SH3PXD2A: variants seen among roughly 807,000 people sequenced by gnomAD.
SH3PXD2A encodes SH3 and PX domains 2A, also known as SH3 and PX domain-containing protein 2A.
A neutral mutation model predicts 115.2 loss-of-function variants in SH3PXD2A; 32 were observed. The ratio of observed to expected loss-of-function variants is 0.28; its 90% CI spans 0.21 to 0.37. The LOEUF is 0.37. Among genes scored for constraint, SH3PXD2A ranks in the 10% least tolerant of loss-of-function variants. The pLI is 1.00. For synonymous variants in SH3PXD2A, 610 were observed against 629.1 expected (o/e 0.97, Z 0.45); for missense variants, 1,328 against 1,498.7 (o/e 0.89, Z 1.88).
At chr10:103,843,658 C>T (rs1286287147) in intron 1 of SH3PXD2A, among the ~76,000 whole-genome samples, 1 of 152,220 alleles carries the variant, frequency 6.6e-6, no homozygotes, top group East Asian at 1.9e-4. Context: ...GGGAGGGTCA[C>T]ATGGGCAGGT....
At chr10:103,677,080 G>A (rs753845043) in intron 6 of SH3PXD2A, among the ~76,000 whole-genome samples, 11 of 152,324 alleles carry the variant, frequency 7.2e-5, no homozygotes, top group Middle Eastern at 3.4e-3. Flanking sequence ...CCTGAGAGCC[G>A]CGAGTGAGTG....
At chr10:103,764,729 A>G (rs1415981486) in intron 3 of SH3PXD2A, among the ~76,000 whole-genome samples, 1 of 152,168 alleles carries the variant, frequency 6.6e-6, no homozygotes, top group Non-Finnish European at 1.5e-5. Flanking sequence ...GTCCTGTGGC[A>G]GCTATTGTGT....
At chr10:103,787,520 C>T (rs905746293) in intron 2 of SH3PXD2A, among the ~76,000 whole-genome samples, 3 of 152,318 alleles carry the variant, frequency 2.0e-5, no homozygotes, top group African/African-American at 7.2e-5. Context: ...AGAGGGGTTT[C>T]CCTCCACCCT....
chr10:103,641,297 T>C (rs1214809840), intron 8 of SH3PXD2A, among the ~76,000 whole-genome samples: 1 of 152,146 alleles, frequency 6.6e-6, no homozygotes, highest in African/African-American at 2.4e-5. Context: ...CCAGGCAGCC[T>C]GAGTTGTGCA....
chr10:103,647,475 T>A (rs1228044729), intron 8 of SH3PXD2A, among the ~76,000 whole-genome samples: 1 of 152,144 alleles, frequency 6.6e-6, no homozygotes, highest in East Asian at 1.9e-4. Context: ...ACCTGGCACA[T>A]GAGCACCAAC....
chr10:103,710,184 G>A (rs2134155842), intron 5 of SH3PXD2A, among the ~76,000 whole-genome samples: 1 of 152,084 alleles, frequency 6.6e-6, no homozygotes, highest in South Asian at 2.1e-4. Context: ...CCTGAGCTCG[G>A]GAGTTTGAGA....
At chr10:103,759,396 A>G (rs952999437) in intron 3 of SH3PXD2A, among the ~76,000 whole-genome samples, 1 of 152,158 alleles carries the variant, frequency 6.6e-6, no homozygotes, top group Non-Finnish European at 1.5e-5. Flanking sequence ...AAGCAATCTC[A>G]CTTCTCCAGG....
chr10:103,711,251 A>G (rs371613904), intron 5 of SH3PXD2A, among the ~76,000 whole-genome samples: 13 of 152,370 alleles, frequency 8.5e-5, no homozygotes, highest in Admixed American at 2.6e-4. Context: ...CTGAGCTGCC[A>G]GAACACCTGG....
intron 2 of SH3PXD2A, among the ~76,000 whole-genome samples, chr10:103,773,530 C>T (rs192658407): frequency 3.7e-4 from 56 of 151,792 alleles, no homozygotes; most frequent in African/African-American, 1.3e-3. Flanking sequence ...ACCCCCTCCT[C>T]CCAGGTTCAA....
At chr10:103,830,861 A>G (rs1040739844) in intron 1 of SH3PXD2A, among the ~76,000 whole-genome samples, 6 of 152,190 alleles carry the variant, frequency 3.9e-5, no homozygotes, top group Admixed American at 3.3e-4. Context: ...GAAAAGGGAT[A>G]GGATTGAGGA....
chr10:103,832,136 A>G (rs1269740759), intron 1 of SH3PXD2A, among the ~76,000 whole-genome samples: 1 of 152,226 alleles, frequency 6.6e-6, no homozygotes, highest in African/African-American at 2.4e-5. Flanking sequence ...AAGTGCCTAC[A>G]ACGAGCAGCA....
At chr10:103,757,660 C>G (rs930602922) in intron 3 of SH3PXD2A, among the ~76,000 whole-genome samples, 2 of 152,116 alleles carry the variant, frequency 1.3e-5, no homozygotes, top group Admixed American at 6.5e-5. Flanking sequence ...GTGGCTGACC[C>G]CTGCAAAGCT....
chr10:103,777,458 G>A (rs1253644888), intron 2 of SH3PXD2A, among the ~76,000 whole-genome samples: 1 of 152,274 alleles, frequency 6.6e-6, no homozygotes, highest in Non-Finnish European at 1.5e-5. Flanking sequence ...TGGGGAGGAG[G>A]CCTCTGGCTT....
chr10:103,726,333 C>T (rs1174806878), intron 4 of SH3PXD2A, among the ~76,000 whole-genome samples: 2 of 152,154 alleles, frequency 1.3e-5, no homozygotes, highest in Non-Finnish European at 2.9e-5. Context: ...CTGTGAGTGT[C>T]GTTCCAGGAA....
In SH3PXD2A at chr10:103,596,687, A is replaced by T. The variant is rs10656552; in HGVS notation, c.*5129T>A. ...CACTCTCTCTCTCTCTCTCTCTCTC[A>T]CAACACATGGCCCTCAAAAAAGTGA... On this transcript the variant is annotated 3_prime_UTR_variant, in exon 15 of 15. Coordinates refer to ENST00000369774, the MANE Select transcript of SH3PXD2A (RefSeq NM_001394015.1). 0.47 allele frequency: 67,185 copies of T among 143,992 alleles called. 15,969 individuals carry two copies. The highest frequency in any genetic ancestry group is 0.65 in the East Asian group (3,211 of 4,968). The allele number at this position is 143,992 out of a possible 1,614,324, so 8.9% of individuals were successfully genotyped here. A position where few individuals can be genotyped will look rare whatever the true frequency, so the allele number is the denominator to read the frequency against.
intron 3 of SH3PXD2A, among the ~76,000 whole-genome samples, chr10:103,750,107 C>T (rs904554414): frequency 5.3e-5 from 8 of 152,288 alleles, no homozygotes; most frequent in Admixed American, 2.0e-4. Context: ...GGCTGGAGTG[C>T]AGTAGCACAA....
chr10:103,669,461 A>G (rs986743045), intron 6 of SH3PXD2A, among the ~76,000 whole-genome samples: 2 of 152,252 alleles, frequency 1.3e-5, no homozygotes, highest in African/African-American at 4.8e-5. Flanking sequence ...CATCTGAATG[A>G]GGCAGAAAGC....
intron 8 of SH3PXD2A, among the ~76,000 whole-genome samples, chr10:103,656,444 GA>G (rs2037212940): frequency 6.6e-6 from 1 of 152,238 alleles, no homozygotes; most frequent in Non-Finnish European, 1.5e-5. Flanking sequence ...CTGGTCCTGA[GA>G]AACCAACGCC....
chr10:103,668,766 G>T (rs760183750), intron 6 of SH3PXD2A, 114 bp from the exon 7 acceptor site: 5 of 930,890 alleles, frequency 5.4e-6, no homozygotes, highest in Non-Finnish European at 8.6e-6. Flanking sequence ...TCGGCCAGCC[G>T]CGGGCGGAAG....
Sources: allele counts gnomAD v4.1 joint callset (sites outside exome capture counted in the v4.1 genomes callset), GRCh38; gene constraint gnomAD v4.1.1; transcripts MANE v1.5; gene names NCBI Gene and HGNC (gene_info 2026-07-23, HGNC 2026-07-21).